The following EFR3A variants were observed in gnomAD, a reference collection of about 807,000 sequenced individuals.
EFR3A encodes protein EFR3 homolog A.
Under a neutral mutation model 104.4 loss-of-function variants are expected in EFR3A, and 76 were observed. The observed-to-expected ratio is 0.73, with a 90% confidence interval of 0.60 to 0.88. The LOEUF (loss-of-function observed/expected upper bound fraction) is 0.88, where lower values mean the gene tolerates loss of function less well. Among genes scored for constraint, EFR3A ranks in the 40% least tolerant of loss-of-function variants. The pLI is 0.00. For synonymous variants in EFR3A, 330 were observed against 330.0 expected, an observed-to-expected ratio of 1.00 and a Z score of 0.00; for missense variants, 985 against 1,012.5, an observed-to-expected ratio of 0.97 and a Z score of 0.37.
intron 6 of EFR3A, 97 bp downstream of exon 6, chr8:131,954,064 AAC>A: frequency 8.3e-7 from 1 of 1,208,012 alleles, no homozygotes; most frequent in Non-Finnish European, 1.1e-6. Flanking sequence ...GTACTCTGTA[AAC>A]AGTAGTCTCG....
At chr8:131,968,800 T>C (rs2130695917) in intron 9 of EFR3A, among the ~76,000 whole-genome samples, 1 of 152,162 alleles carries the variant, frequency 6.6e-6, no homozygotes, top group East Asian at 1.9e-4. Context: ...AAAGCCAGGG[T>C]TTACAGAAGG....
intron 1 of EFR3A, among the ~76,000 whole-genome samples, chr8:131,911,963 A>C (rs2130386406): frequency 6.6e-6 from 1 of 152,322 alleles, no homozygotes; most frequent in Middle Eastern, 3.4e-3. Context: ...AAGTTAGAGT[A>C]ATATTTTTCA....
chr8:131,944,197 C>T (rs939673467), intron 2 of EFR3A, among the ~76,000 whole-genome samples: 3 of 151,988 alleles, frequency 2.0e-5, no homozygotes, highest in Non-Finnish European at 2.9e-5. Flanking sequence ...AAGGCAGAGA[C>T]AAATGACCGT....
chr8:131,972,480 G>A (rs971688050), intron 10 of EFR3A, among the ~76,000 whole-genome samples: 2 of 146,686 alleles, frequency 1.4e-5, no homozygotes, highest in African/African-American at 5.0e-5. Context: ...TTTCCTGTCT[G>A]TAGTCAAAGT....
chr8:131,930,766 A>G (rs997258457), intron 1 of EFR3A, among the ~76,000 whole-genome samples: 3 of 152,136 alleles, frequency 2.0e-5, no homozygotes, highest in Non-Finnish European at 4.4e-5. Flanking sequence ...TCTTTATCAC[A>G]TCAGCATCTC....
At chr8:131,955,636 A>T in intron 6 of EFR3A, 132 bp from the exon 7 acceptor site, 1 of 881,304 alleles carries the variant, frequency 1.1e-6, no homozygotes, top group Non-Finnish European at 1.7e-6. Context: ...TGAAATTAGA[A>T]TTAAGCTATA....
At chr8:131,979,782 A>G (rs1820515050) in intron 14 of EFR3A, among the ~76,000 whole-genome samples, 1 of 152,146 alleles carries the variant, frequency 6.6e-6, no homozygotes, top group Non-Finnish European at 1.5e-5. Flanking sequence ...AGCTATCACC[A>G]TCAAATAAAT....
rs749583338 is a variant in EFR3A, at chr8:131,980,193, G to A, written c.1575+772G>A. Among the ~76,000 whole-genome samples the A allele has an allele frequency of 4.9e-4, 75 of 152,146 alleles. 1 individual carries two copies. In the Middle Eastern group the frequency reaches 0.01, roughly 21 times the overall value. ...CGTAGGAAGCTAGGTGTAGAGACCC[G>A]TAATCCATGTTCTTTTTTGCCTCTT... On this transcript the variant is annotated intron_variant, in intron 14 of 22. Transcript: ENST00000254624.
intron 11 of EFR3A, 64 bp downstream of exon 11, chr8:131,976,205 G>A: frequency 1.9e-6 from 2 of 1,068,794 alleles, no homozygotes; most frequent in Non-Finnish European, 2.7e-6. Flanking sequence ...ACGAAATCTA[G>A]AAAATGTTAA....
chr8:131,950,199 G>A (rs971546096), intron 5 of EFR3A, 109 bp downstream of exon 5: 58 of 1,155,934 alleles, frequency 5.0e-5, no homozygotes, highest in Non-Finnish European at 6.1e-5. Context: ...CCTGAAATAC[G>A]GCTTTCCATT....
At chr8:132,009,719 C>T (rs140791162) in intron 22 of EFR3A, among the ~76,000 whole-genome samples, 17 of 152,130 alleles carry the variant, frequency 1.1e-4, no homozygotes, top group African/African-American at 3.6e-4. Flanking sequence ...CAGCTTCACT[C>T]ATTGTTTAGA....
chr8:131,940,596 T>C (rs754687306), intron 2 of EFR3A, 21 bp downstream of exon 2: 9 of 1,594,394 alleles, frequency 5.6e-6, no homozygotes, highest in Non-Finnish European at 7.7e-6. Context: ...CTACATCTAC[T>C]GATCCTTCTC....
At chr8:131,936,024 A>C (rs1185534025) in intron 1 of EFR3A, among the ~76,000 whole-genome samples, 1 of 152,078 alleles carries the variant, frequency 6.6e-6, no homozygotes, top group Non-Finnish European at 1.5e-5. Context: ...CTGCGTGCCT[A>C]ATCCATACTA....
At chr8:131,975,874 T>C (rs927090602) in intron 10 of EFR3A, among the ~76,000 whole-genome samples, 153 bp from the exon 11 acceptor site, 1 of 152,246 alleles carries the variant, frequency 6.6e-6, no homozygotes, top group Admixed American at 6.5e-5. Flanking sequence ...TTTGTACAAA[T>C]GAAATTGTAA....
chr8:131,965,342 T>G (rs1027336743), intron 8 of EFR3A, among the ~76,000 whole-genome samples: 1 of 152,036 alleles, frequency 6.6e-6, no homozygotes, highest in Admixed American at 6.6e-5. Flanking sequence ...ATATGCAGAC[T>G]CCACAAAGAA....
At position 131,959,569 on chromosome 8, in the gene EFR3A, T is replaced by A; in HGVS notation, c.777-16T>A. The A allele has an allele frequency of 6.2e-7, 1 of 1,604,734 alleles. No homozygotes were observed. The highest frequency in any genetic ancestry group is 8.5e-7 in the Non-Finnish European group (1 of 1,175,260). On this transcript the variant is annotated splice_polypyrimidine_tract_variant and intron_variant, in intron 7 of 22. Transcript: ENST00000254624. ...AGTAAAATAGAGAATTTTAAAGTAA[T>A]TTTTGTTATTTGCAGGCATTTAGAT... is the stretch of plus-strand genomic sequence containing the variant.
chr8:131,980,511 TCAAA>T (rs1051992400), intron 14 of EFR3A, among the ~76,000 whole-genome samples: 4 of 152,066 alleles, frequency 2.6e-5, no homozygotes, highest in Non-Finnish European at 5.9e-5. Flanking sequence ...CTGAGGAACC[TCAAA>T]CAATTTTTTA....
chr8:131,938,307 T>C (rs1438390917), intron 1 of EFR3A: 6 of 397,804 alleles, frequency 1.5e-5, no homozygotes, highest in Non-Finnish European at 2.2e-5. Flanking sequence ...CCTACATTTC[T>C]ATACTTGAGT....
At chr8:131,942,551 G>A (rs947908455) in intron 2 of EFR3A, among the ~76,000 whole-genome samples, 1 of 152,064 alleles carries the variant, frequency 6.6e-6, no homozygotes, top group Non-Finnish European at 1.5e-5. Context: ...TTCTCATGAG[G>A]ACTAAATGAG....
Sources: allele counts gnomAD v4.1 joint callset (sites outside exome capture counted in the v4.1 genomes callset), GRCh38; gene constraint gnomAD v4.1.1; transcripts MANE v1.5; gene names NCBI Gene and HGNC (gene_info 2026-07-23, HGNC 2026-07-21).